Variants in LRRTM4 observed in about 807,000 individuals in gnomAD.
LRRTM4 encodes leucine rich repeat transmembrane neuronal 4.
Under a neutral mutation model 47.6 loss-of-function variants are expected in LRRTM4, and 25 were observed. The ratio of observed to expected loss-of-function variants is 0.53; its 90% CI spans 0.38 to 0.73. The LOEUF (loss-of-function observed/expected upper bound fraction) is 0.73. LRRTM4 is among the 30% of genes least tolerant of loss of function. The pLI is 0.00. For missense variants in LRRTM4, 638 were observed against 713.4 expected, an observed-to-expected ratio of 0.89 and a Z score of 1.20; for synonymous variants, 311 against 269.5, an observed-to-expected ratio of 1.15 and a Z score of -1.51.
chr2:76,958,591 T>C (rs1187867630), intron 3 of LRRTM4, among the ~76,000 whole-genome samples: 1 of 151,732 alleles, frequency 6.6e-6, no homozygotes, highest in African/African-American at 2.4e-5. Flanking sequence ...CCCTGAAGCC[T>C]CACACTATCT....
chr2:77,042,554 A>G (rs76869260), intron 3 of LRRTM4, among the ~76,000 whole-genome samples: 1,672 of 151,858 alleles, frequency 0.011, 39 homozygotes, highest in African/African-American at 0.038. Flanking sequence ...TTTTTGTATA[A>G]CACAGTCTAG....
In LRRTM4 at chr2:77,407,631, TA is replaced by T. The variant is rs1447071200; in HGVS notation, c.1551+110686del. On this transcript the variant is annotated intron_variant, in intron 3 of 3. Transcript: ENST00000409884. ...ATAATATATAATATAATATATGATA[TA>T]TTATTATATAATATATATTATATAA... Among the ~76,000 whole-genome samples the T allele has an allele frequency of 8.5e-4, 115 of 136,060 alleles. 1 individual carries two copies. Among genetic ancestry groups the T allele is most frequent in the African/African-American group, 3.2e-3 (109 of 34,514 alleles). The allele number at this position is 136,060 out of a possible 152,430, so 89.3% of individuals were successfully genotyped here.
intron 3 of LRRTM4, among the ~76,000 whole-genome samples, chr2:76,825,887 T>C (rs1249572662): frequency 6.6e-6 from 1 of 151,586 alleles, no homozygotes; most frequent in African/African-American, 2.4e-5. Flanking sequence ...CAAGAGATTA[T>C]GGAGTTGCAG....
chr2:76,801,350 T>G (rs1675669022), intron 3 of LRRTM4, among the ~76,000 whole-genome samples: 1 of 152,114 alleles, frequency 6.6e-6, no homozygotes, highest in East Asian at 1.9e-4. Flanking sequence ...AATGATGAGT[T>G]CACGTCCTTT....
chr2:77,020,910 G>A (rs1224860301), intron 3 of LRRTM4, among the ~76,000 whole-genome samples: 2 of 152,146 alleles, frequency 1.3e-5, no homozygotes, highest in African/African-American at 4.8e-5. Flanking sequence ...TTTCAGAATT[G>A]TTATGGACTG....
chr2:77,327,612 T>C (rs940614658), intron 3 of LRRTM4, among the ~76,000 whole-genome samples: 7 of 152,166 alleles, frequency 4.6e-5, no homozygotes, highest in Admixed American at 1.3e-4. Context: ...TTTCTTATTC[T>C]TTTATGTAAT....
intron 3 of LRRTM4, among the ~76,000 whole-genome samples, chr2:77,384,198 A>C (rs1558718203): frequency 6.6e-6 from 1 of 151,884 alleles, no homozygotes; most frequent in Admixed American, 6.6e-5. Context: ...CCCTCAAAAA[A>C]CTTGTATTAT....
intron 3 of LRRTM4, among the ~76,000 whole-genome samples, chr2:77,381,970 G>T (rs1309479038): frequency 5.3e-5 from 8 of 151,766 alleles, no homozygotes; most frequent in Non-Finnish European, 8.8e-5. Flanking sequence ...TTTTCAATTG[G>T]GATATTAATA....
At chr2:77,260,318 G>A (rs1054441085) in intron 3 of LRRTM4, among the ~76,000 whole-genome samples, 4 of 151,224 alleles carry the variant, frequency 2.6e-5, no homozygotes, top group Non-Finnish European at 5.9e-5. Flanking sequence ...TCCTGCATTA[G>A]ATTTTCTCTA....
At chr2:77,024,428 A>G (rs1324813866) in intron 3 of LRRTM4, among the ~76,000 whole-genome samples, 2 of 151,630 alleles carry the variant, frequency 1.3e-5, no homozygotes, top group Admixed American at 1.3e-4. Flanking sequence ...ATTCTGTATT[A>G]TGGCTGAATA....
intron 3 of LRRTM4, among the ~76,000 whole-genome samples, chr2:77,133,338 T>A (rs1487456380): frequency 6.6e-6 from 1 of 152,212 alleles, no homozygotes; most frequent in Non-Finnish European, 1.5e-5. Flanking sequence ...TTTTATTCAC[T>A]CTTTTTTTTC....
chr2:76,797,109 A>G (rs1157684974), intron 3 of LRRTM4, among the ~76,000 whole-genome samples: 2 of 152,074 alleles, frequency 1.3e-5, no homozygotes, highest in African/African-American at 4.8e-5. Context: ...CAGGAAATAC[A>G]GAGAATGCCA....
At chr2:76,789,448 G>A (rs1674851966) in intron 3 of LRRTM4, among the ~76,000 whole-genome samples, 1 of 152,150 alleles carries the variant, frequency 6.6e-6, no homozygotes. Flanking sequence ...ACCATGCGTT[G>A]TATGACAGGA....
At chr2:77,188,460 T>A (rs1470699484) in intron 3 of LRRTM4, among the ~76,000 whole-genome samples, 1 of 152,196 alleles carries the variant, frequency 6.6e-6, no homozygotes, top group Non-Finnish European at 1.5e-5. Flanking sequence ...AAATATTTGA[T>A]CACCGTTTAA....
At chr2:77,181,756 A>T (rs1224367904) in intron 3 of LRRTM4, among the ~76,000 whole-genome samples, 1 of 152,114 alleles carries the variant, frequency 6.6e-6, no homozygotes, top group Non-Finnish European at 1.5e-5. Context: ...AAAGCAGTAG[A>T]TGTTTAGGAG....
chr2:76,993,023 A>T (rs2103997735), intron 3 of LRRTM4, among the ~76,000 whole-genome samples: 1 of 151,956 alleles, frequency 6.6e-6, no homozygotes, highest in Non-Finnish European at 1.5e-5. Context: ...GCAGTGGGGA[A>T]AGGACTTCCT....
intron 3 of LRRTM4, among the ~76,000 whole-genome samples, chr2:77,040,774 T>C (rs1167064860): frequency 6.6e-6 from 1 of 151,458 alleles, no homozygotes; most frequent in African/African-American, 2.4e-5. Context: ...TAGTCCATTT[T>C]TTCCATTTTA....
At chr2:76,982,738 T>C (rs1180948722) in intron 3 of LRRTM4, among the ~76,000 whole-genome samples, 1 of 151,858 alleles carries the variant, frequency 6.6e-6, no homozygotes, top group African/African-American at 2.4e-5. Flanking sequence ...ATAAACCAAA[T>C]ACCAGGATAA....
At chr2:76,818,273 C>T (rs754733546) in intron 3 of LRRTM4, among the ~76,000 whole-genome samples, 118 of 151,824 alleles carry the variant, frequency 7.8e-4, no homozygotes, top group Non-Finnish European at 1.1e-3. Context: ...TATTGATTTG[C>T]TGTGTTCCCT....
Sources: gnomAD v4.1 joint callset for allele counts (sites outside exome capture counted in the v4.1 genomes callset) on GRCh38, gnomAD v4.1.1 for gene constraint, MANE v1.5 for transcripts, NCBI Gene and HGNC (gene_info 2026-07-23, HGNC 2026-07-21) for gene names.